The following IKZF3 variants were observed in gnomAD, a reference collection of about 807,000 sequenced individuals.
The protein encoded by IKZF3 is zinc finger protein Aiolos.
Under a neutral mutation model 49.0 loss-of-function variants are expected in IKZF3, and 10 were observed. The ratio of observed to expected loss-of-function variants is 0.20; its 90% CI spans 0.13 to 0.35. The LOEUF is 0.35. Among genes scored for constraint, IKZF3 ranks in the 10% least tolerant of loss-of-function variants. IKZF3 has a pLI of 1.00. For synonymous variants in IKZF3, 209 were observed against 228.2 expected, an observed-to-expected ratio of 0.92 and a Z score of 0.76; for missense variants, 498 against 664.8, an observed-to-expected ratio of 0.75 and a Z score of 2.76.
chr17:39,766,103 A>G lies in IKZF3; in HGVS notation c.1217T>C (p.Met406Thr), dbSNP rs1230844830. Residue 406 changes from methionine to threonine, a missense_variant, in exon 8 of 8, where the codon ATG becomes ACG. Met to Thr is a moderately conservative substitution (Grantham distance 81). Around this residue, in one of 3 missense-constraint regions of IKZF3, gnomAD observed 317 missense variants for 397.3 expected, o/e 0.80. Coordinates refer to ENST00000346872, the MANE Select transcript of IKZF3 (RefSeq NM_012481.5). Reference sequence around the variant, plus strand: ...CCCATTGCGGGCCCGAGACAGGACCATGTGATTTTGCTGATAGATGTGATT... The same window carrying G: ...CCCATTGCGGGCCCGAGACAGGACCGTGTGATTTTGCTGATAGATGTGATT... ...RQNHIYQQNH[M>T]VLSRARNGMP... The G allele has an allele frequency of 1.9e-6, 3 of 1,614,032 alleles. No individual in the cohort carries two copies. The highest frequency in any genetic ancestry group is 2.5e-6 in the Non-Finnish European group (3 of 1,180,010).
Position 39,864,233 on chromosome 17 carries a change from G to C in IKZF3, c.-107C>G. 4 of 1,347,150 alleles carry C rather than the reference G, an allele frequency of 3.0e-6. No individual in the cohort carries two copies. Among genetic ancestry groups the C allele is most frequent in the South Asian group, 2.7e-5 (2 of 75,100 alleles). 83.4% of individuals were successfully genotyped at this position (1,347,150 alleles called of 1,614,324 possible). The stretch of plus-strand genomic sequence containing the variant: ...GCAGCTGGCGGGAGATTCCCGGCGC[G>C]GGGAGTCCCCGGGATCCGGCAGCCG... On this transcript the variant is annotated 5_prime_UTR_variant, in exon 1 of 8. Transcript: ENST00000346872.
intron 1 of IKZF3, among the ~76,000 whole-genome samples, chr17:39,854,936 T>G (rs1285170367): frequency 1.3e-5 from 2 of 152,220 alleles, no homozygotes; most frequent in South Asian, 4.1e-4. Context: ...AAATGGTGTC[T>G]GAGTAGGAGA....
In IKZF3 at chr17:39,762,613, G is replaced by A. The variant is rs565685444; in HGVS notation, c.*3177C>T. 6.6e-6 allele frequency: 1 copy of A among 152,434 alleles called. No homozygotes were observed. Among genetic ancestry groups the A allele is most frequent in the South Asian group, 2.1e-4 (1 of 4,828 alleles). 9.4% of individuals were successfully genotyped at this position (152,434 alleles called of 1,614,324 possible). On this transcript the variant is annotated 3_prime_UTR_variant, in exon 8 of 8. Transcript: ENST00000346872. ...TGCAAAAGGTGGTCTCAGGCTGGGT[G>A]CGGTAGCTCATGCCTGTAATCCCAG...
intron 1 of IKZF3, among the ~76,000 whole-genome samples, chr17:39,852,598 G>T (rs987262704): frequency 6.6e-6 from 1 of 152,016 alleles, no homozygotes; most frequent in African/African-American, 2.4e-5. Flanking sequence ...ACCAAATGAG[G>T]TATGTCTCCA....
At chr17:39,832,285 TTCTC>T in intron 1 of IKZF3, 134 bp from the exon 2 acceptor site, 1 of 569,888 alleles carries the variant, frequency 1.8e-6, no homozygotes, top group South Asian at 2.5e-5. Flanking sequence ...AGATTACTCT[TTCTC>T]TATATTCTCC....
At position 39,834,803 on chromosome 17, in the gene IKZF3, G is replaced by C. The variant is rs141222789; in HGVS notation, c.8-2652C>G. Among the ~76,000 whole-genome samples, 26 of 152,330 alleles carry C rather than the reference G, an allele frequency of 1.7e-4. No homozygotes were observed. In the East Asian group the frequency reaches 4.6e-3, roughly 27 times the overall value. On this transcript the variant is annotated intron_variant, in intron 1 of 7. Transcript: ENST00000346872. The stretch of plus-strand genomic sequence containing the variant: ...TTTGTAGCTGGAGGCATGGGCAAGG[G>C]GGGTATCCCAGGCAGTAAACTCCCC...
intron 3 of IKZF3, among the ~76,000 whole-genome samples, chr17:39,798,569 G>A (rs1182914355): frequency 1.3e-5 from 2 of 150,378 alleles, no homozygotes; most frequent in East Asian, 3.9e-4. Context: ...GCAGTGGTGC[G>A]ATCTCTGCTC....
At chr17:39,808,509 T>C (rs2061483396) in intron 3 of IKZF3, among the ~76,000 whole-genome samples, 1 of 152,214 alleles carries the variant, frequency 6.6e-6, no homozygotes. Context: ...CTTTGTTATA[T>C]TTTGTGCTTT....
At position 39,766,063 on chromosome 17, in the gene IKZF3, C is replaced by T. The variant is rs1373230021; in HGVS notation, c.1257G>A (p.Lys419=). 1.2e-6 allele frequency: 2 copies of T among 1,614,054 alleles called. No individual in the cohort carries two copies. The highest frequency in any genetic ancestry group is 1.3e-5 in the African/African-American group (1 of 74,906). The part of the protein sequence containing the change: ...SRARNGMPLL[K]EVPRSYELLK... The stretch of plus-strand genomic sequence containing the variant: ...GGAGTTCGTAAGAGCGGGGAACCTC[C>T]TTCAGAAGTGGCATCCCATTGCGGG... Residue 419 remains lysine (K), a synonymous_variant, in exon 8 of 8, where the codon AAG becomes AAA. Coordinates refer to ENST00000346872, the MANE Select transcript of IKZF3 (RefSeq NM_012481.5).
intron 3 of IKZF3, among the ~76,000 whole-genome samples, chr17:39,825,922 T>C (rs930058106): frequency 6.6e-6 from 1 of 152,170 alleles, no homozygotes; most frequent in Non-Finnish European, 1.5e-5. Context: ...GGGGCAGGGA[T>C]CCTCTTTTCC....
At position 39,778,309 on chromosome 17, in the gene IKZF3, CT is replaced by C. The variant is rs369153206; in HGVS notation, c.710-543del. On this transcript the variant is annotated intron_variant, in intron 6 of 7. Transcript: ENST00000346872. ...GAGTGGTTTCTTTCTTTTTCTTTTT[CT>C]TTTTTTTTTTCAGCACGCTCCTCTC... 7.8e-3 allele frequency: 2,728 copies of C among 348,876 alleles called. 1 individual carries two copies. The highest frequency in any genetic ancestry group is 9.4e-3 in the Non-Finnish European group (2,382 of 252,888). The allele number at this position is 348,876 out of a possible 1,614,324, so 21.6% of individuals were successfully genotyped here.
In IKZF3 at chr17:39,788,294, G is replaced by A. The variant is rs202088212; in HGVS notation, c.673C>T (p.Arg225Cys). ...SSLEEHKERC[R>C]TFLQSTDPGD... ...GGGTCAGTGCTCTGAAGAAATGTAC[G>A]GCAGCGCTCCTTGTGCTCCTCAAGG... is the stretch of plus-strand genomic sequence containing the variant. Residue 225 changes from arginine to cysteine, a missense_variant, in exon 6 of 8, where the codon CGT becomes TGT. Physicochemically the swap from Arg to Cys is radical, Grantham distance 180 (BLOSUM62 -3). Transcript: ENST00000346872. 49 of 1,613,582 alleles carry A rather than the reference G, an allele frequency of 3.0e-5. No individual in the cohort carries two copies. The Middle Eastern group carries it at 4.9e-4, about 16-fold the overall frequency.
intron 1 of IKZF3, among the ~76,000 whole-genome samples, chr17:39,852,464 T>C (rs905000887): frequency 6.6e-6 from 1 of 152,200 alleles, no homozygotes; most frequent in Non-Finnish European, 1.5e-5. Context: ...ACATTCAACA[T>C]AGCTGACCAC....
intron 7 of IKZF3, among the ~76,000 whole-genome samples, chr17:39,774,152 G>A (rs1043553885): frequency 7.2e-5 from 11 of 152,046 alleles, no homozygotes; most frequent in Admixed American, 2.0e-4. Flanking sequence ...AGATAGCAGC[G>A]GGCTGACCTG....
At chr17:39,801,756 T>C (rs1321960661) in intron 3 of IKZF3, among the ~76,000 whole-genome samples, 1 of 152,232 alleles carries the variant, frequency 6.6e-6, no homozygotes, top group African/African-American at 2.4e-5. Context: ...TAATATTTGC[T>C]AACCAGTAAA....
At chr17:39,829,633 T>G in intron 2 of IKZF3, 145 bp from the exon 3 acceptor site, 2 of 598,048 alleles carry the variant, frequency 3.3e-6, no homozygotes, top group Non-Finnish European at 5.9e-6. Context: ...CCAAAAGGGA[T>G]GTATACATGA....
chr17:39,765,658 T>C lies in IKZF3; in HGVS notation c.*132A>G, dbSNP rs2060270563. ...AAGACAGTGTTTCCCTGGCTACCCC[T>C]GTGAACACAGCTAAAAATGGTATGA... On this transcript the variant is annotated 3_prime_UTR_variant, in exon 8 of 8. Coordinates refer to ENST00000346872, the MANE Select transcript of IKZF3 (RefSeq NM_012481.5). The C allele has an allele frequency of 6.2e-6, 4 of 649,646 alleles. No homozygotes were observed. Among genetic ancestry groups the C allele is most frequent in the Non-Finnish European group, 7.9e-6 (3 of 380,680 alleles). 40.2% of individuals were successfully genotyped at this position (649,646 alleles called of 1,614,324 possible). A position where few individuals can be genotyped will look rare whatever the true frequency, so the allele number is the denominator to read the frequency against.
At chr17:39,781,953 G>A (rs943719404) in intron 6 of IKZF3, among the ~76,000 whole-genome samples, 4 of 152,068 alleles carry the variant, frequency 2.6e-5, no homozygotes, top group African/African-American at 7.2e-5. Flanking sequence ...CCACAACTCC[G>A]ATTAGATTGA....
At position 39,799,651 on chromosome 17, in the gene IKZF3, G is replaced by A. The variant is rs969604875; in HGVS notation, c.164-6718C>T. 5.9e-5 allele frequency among the ~76,000 whole-genome samples: 9 copies of A among 152,290 alleles called. No homozygotes were observed. In the East Asian group the frequency reaches 1.7e-3, roughly 29 times the overall value. ...TTTGCATTTTAACAAGATCCTCAAG[G>A]ATTCTTATGCACATTAAAGTCTGAG... On this transcript the variant is annotated intron_variant, in intron 3 of 7. Coordinates refer to ENST00000346872, the MANE Select transcript of IKZF3 (RefSeq NM_012481.5).
Sources: gnomAD v4.1 joint callset for allele counts (sites outside exome capture counted in the v4.1 genomes callset) on GRCh38, gnomAD v4.1.1 for gene constraint, gnomAD v4.1.1 regional missense constraint, MANE v1.5 for transcripts, NCBI Gene and HGNC (gene_info 2026-07-23, HGNC 2026-07-21) for gene names.